AGAP1: variants seen among roughly 807,000 people sequenced by gnomAD.
AGAP1 encodes ArfGAP with GTPase domain, ankyrin repeat and PH domain 1, also known as arf-GAP with GTPase, ANK repeat and PH domain-containing protein 1.
In AGAP1, 29 loss-of-function variants were observed where a neutral mutation model predicts 105.3. The observed-to-expected ratio is 0.28, with a 90% CI of 0.21 to 0.38. The LOEUF is 0.38. Among genes scored for constraint, AGAP1 ranks in the 10% least tolerant of loss-of-function variants. The pLI is 1.00. For synonymous variants in AGAP1, 509 were observed against 485.9 expected, an observed-to-expected ratio of 1.05 and a Z score of -0.63; for missense variants, 998 against 1,165.1, an observed-to-expected ratio of 0.86 and a Z score of 2.09.
At chr2:235,890,272 G>A (rs535495079) in intron 10 of AGAP1, among the ~76,000 whole-genome samples, 2 of 150,744 alleles carry the variant, frequency 1.3e-5, no homozygotes, top group South Asian at 2.1e-4. Flanking sequence ...TCCTGCCTCA[G>A]CCTCCTAAGT....
At chr2:235,917,469 G>A (rs988365029) in intron 11 of AGAP1, among the ~76,000 whole-genome samples, 1 of 151,746 alleles carries the variant, frequency 6.6e-6, no homozygotes, top group African/African-American at 2.4e-5. Flanking sequence ...TTTCTCTCTC[G>A]TCCTCTTTCT....
chr2:235,703,592 G>A (rs981934749), intron 1 of AGAP1, among the ~76,000 whole-genome samples: 10 of 12,236 alleles, frequency 8.2e-4, no homozygotes, highest in Admixed American at 3.8e-3. Context: ...CCCCTCCCCC[G>A]CCCATCCTCC....
intron 10 of AGAP1, among the ~76,000 whole-genome samples, chr2:235,898,833 T>A (rs551173602): frequency 6.6e-5 from 10 of 152,258 alleles, no homozygotes; most frequent in African/African-American, 2.4e-4. Context: ...GCACTCTGAT[T>A]TCGAGGCTTA....
rs1033067727 is a variant in AGAP1, at chr2:235,788,630, T to C, written c.674-9129T>C. On this transcript the variant is annotated intron_variant, in intron 6 of 17. Transcript: ENST00000304032. This position sits in a 1 kb window ranked among gnomAD's most constrained non-coding sequence, Gnocchi z 6.0. ...GTGTCGTCAGTGCACATCCCGGTGC[T>C]TGGAACTGACTGGTGGGCGTCCTGT... Among the ~76,000 whole-genome samples the C allele has an allele frequency of 4.6e-5, 7 of 151,964 alleles. No homozygotes were observed. Among genetic ancestry groups the C allele is most frequent in the African/African-American group, 1.4e-4 (6 of 41,384 alleles).
rs1952573156 is a variant in AGAP1, at chr2:235,741,374, T to C, written c.396+326T>C. Among the ~76,000 whole-genome samples, 1 of 152,204 alleles carries C rather than the reference T, an allele frequency of 6.6e-6. No individual in the cohort carries two copies. Among genetic ancestry groups the C allele is most frequent in the Non-Finnish European group, 1.5e-5 (1 of 68,040 alleles). On this transcript the variant is annotated intron_variant, in intron 4 of 17. Transcript: ENST00000304032. This position sits in a 1 kb window ranked among gnomAD's most constrained non-coding sequence, Gnocchi z 4.9. ...CTGGAAATTTCTGTCGTTTGGTTTG[T>C]TTTTTGGCCTTTTCCTTTGAGTGGT...
At position 236,020,880 on chromosome 2, in the gene AGAP1, G is replaced by T. The variant is rs150951262; in HGVS notation, c.1646-15681G>T. 6.6e-6 allele frequency among the ~76,000 whole-genome samples: 1 copy of T among 152,124 alleles called. No homozygotes were observed. The highest frequency in any genetic ancestry group is 2.4e-5 in the African/African-American group (1 of 41,510). ...GCAGCACCAACTAAGAACTAATGCAGGTAGGCCGGGCACAGTGGCTCACAC... is the reference window on the plus strand; with the variant it reads ...GCAGCACCAACTAAGAACTAATGCATGTAGGCCGGGCACAGTGGCTCACAC... On this transcript the variant is annotated intron_variant, in intron 13 of 17. Transcript: ENST00000304032. This position sits in a 1 kb window ranked among gnomAD's most constrained non-coding sequence, Gnocchi z 5.0.
intron 1 of AGAP1, among the ~76,000 whole-genome samples, chr2:235,547,090 C>T (rs1038982658): frequency 1.3e-5 from 2 of 152,108 alleles, no homozygotes; most frequent in Non-Finnish European, 2.9e-5. Flanking sequence ...CTTTTAGGAT[C>T]GTGGTGTAAG....
intron 1 of AGAP1, among the ~76,000 whole-genome samples, chr2:235,544,032 C>T (rs955176325): frequency 6.6e-6 from 1 of 152,178 alleles, no homozygotes. Context: ...CATGTGCTGG[C>T]TATTGAGTCA....
chr2:235,688,316 T>C (rs1949566738), intron 1 of AGAP1, among the ~76,000 whole-genome samples: 2 of 152,200 alleles, frequency 1.3e-5, no homozygotes, highest in Non-Finnish European at 2.9e-5. Context: ...GTTTGAGGTC[T>C]GTGGTGTCTG....
At chr2:236,060,303 A>G (rs1234207288) in intron 16 of AGAP1, among the ~76,000 whole-genome samples, 1 of 152,244 alleles carries the variant, frequency 6.6e-6, no homozygotes, top group Non-Finnish European at 1.5e-5. Flanking sequence ...TAGTGCTTCA[A>G]AGGGCAGTGT....
In AGAP1 at chr2:235,639,133, G is replaced by A. The variant is rs1455749645; in HGVS notation, c.164-70046G>A. ...TGGAATTTGGTCAAGGCAGGAATGA[G>A]GGTGGATGTGGGGCATGGGGAATTG... On this transcript the variant is annotated intron_variant, in intron 1 of 17. Transcript: ENST00000304032. This position sits in a 1 kb window ranked among gnomAD's most constrained non-coding sequence, Gnocchi z 5.3. Among the ~76,000 whole-genome samples, 1 of 152,158 alleles carries A rather than the reference G, an allele frequency of 6.6e-6. No individual in the cohort carries two copies. Among genetic ancestry groups the A allele is most frequent in the Non-Finnish European group, 1.5e-5 (1 of 68,038 alleles).
chr2:236,076,453 A>G lies in AGAP1; in HGVS notation c.2114+27172A>G, dbSNP rs1167118574. ...GAGTGAGACTCCATCTCAAAAAAAA[A>G]TAAAGTCTTGAGAATGTTCACTTCC... is the stretch of plus-strand genomic sequence containing the variant. On this transcript the variant is annotated intron_variant, in intron 16 of 17. Transcript: ENST00000304032. This position sits in a 1 kb window ranked among gnomAD's most constrained non-coding sequence, Gnocchi z 4.4. 6.6e-6 allele frequency among the ~76,000 whole-genome samples: 1 copy of G among 152,140 alleles called. No individual in the cohort carries two copies. The highest frequency in any genetic ancestry group is 1.5e-5 in the Non-Finnish European group (1 of 68,038).
intron 1 of AGAP1, among the ~76,000 whole-genome samples, chr2:235,682,140 C>T (rs1333989888): frequency 2.6e-5 from 4 of 152,000 alleles, no homozygotes; most frequent in East Asian, 1.9e-4. Context: ...CGTGAGCCAC[C>T]GTGCTTGGCC....
intron 9 of AGAP1, among the ~76,000 whole-genome samples, chr2:235,859,259 A>G (rs1559572637): frequency 6.6e-6 from 1 of 152,032 alleles, no homozygotes; most frequent in Non-Finnish European, 1.5e-5. Flanking sequence ...ACCCATAAGA[A>G]GTTGTCAGAG....
chr2:235,920,094 G>A (rs982487901), intron 11 of AGAP1, among the ~76,000 whole-genome samples: 2 of 152,112 alleles, frequency 1.3e-5, no homozygotes, highest in Non-Finnish European at 2.9e-5. Context: ...ATTCTGCTTG[G>A]CCACGTTGAT....
rs1239373959 is a variant in AGAP1, at chr2:235,845,609, C to G, written c.1051-37736C>G. ...CCAGTTATTCCTTTCCTGACCCCCC[C>G]CCCGATCTGCTTTTTAATTTCTCAG... On this transcript the variant is annotated intron_variant, in intron 9 of 17. Coordinates refer to ENST00000304032, the MANE Select transcript of AGAP1 (RefSeq NM_001037131.3). The surrounding 1 kb of genome is among the most constrained non-coding windows in gnomAD (Gnocchi z 4.8). Among the ~76,000 whole-genome samples, 2 of 151,680 alleles carry G rather than the reference C, an allele frequency of 1.3e-5. No homozygotes were observed. The highest frequency in any genetic ancestry group is 2.9e-5 in the Non-Finnish European group (2 of 67,928).
At chr2:235,536,284 CCCCGGGGTTTGTGTGTGGCATCCT>C (rs1943220937) in intron 1 of AGAP1, among the ~76,000 whole-genome samples, 3 of 18,680 alleles carry the variant, frequency 1.6e-4, no homozygotes, top group Admixed American at 1.2e-3. Flanking sequence ...CACAGCAGGA[CCCCGGGGTTTGTGTGTGGCATCCT>C]ACACACACAC....
Position 235,551,040 on chromosome 2 carries a change from C to T in AGAP1, c.163+56191C>T, listed in dbSNP as rs1943791436. Reference sequence around the variant, plus strand: ...CCACCCACCTCGGCCTCTGAAAGTGCTGGGATTACAGGCGTGAGCCACCGC... The same window carrying T: ...CCACCCACCTCGGCCTCTGAAAGTGTTGGGATTACAGGCGTGAGCCACCGC... On this transcript the variant is annotated intron_variant, in intron 1 of 17. Transcript: ENST00000304032. The surrounding 1 kb of genome is among the most constrained non-coding windows in gnomAD (Gnocchi z 4.8). Among the ~76,000 whole-genome samples the T allele has an allele frequency of 6.6e-6, 1 of 152,172 alleles. No individual in the cohort carries two copies. The highest frequency in any genetic ancestry group is 1.5e-5 in the Non-Finnish European group (1 of 68,042).
intron 13 of AGAP1, among the ~76,000 whole-genome samples, chr2:235,995,065 C>CAAAAAAAAA (rs58097220): frequency 9.8e-5 from 6 of 60,944 alleles, no homozygotes; most frequent in East Asian, 6.5e-4. Context: ...GACTCTGTCT[C>CAAAAAAAAA]AAAAAAAAAA....
Sources: gnomAD v4.1 joint callset for allele counts (sites outside exome capture counted in the v4.1 genomes callset) on GRCh38, gnomAD v4.1.1 for gene constraint, Gnocchi (gnomAD v3.1) non-coding constraint, MANE v1.5 for transcripts, NCBI Gene and HGNC (gene_info 2026-07-23, HGNC 2026-07-21) for gene names.